The following UBE2D3 variants were observed in gnomAD, a reference collection of about 807,000 sequenced individuals.
The protein encoded by UBE2D3 is ubiquitin-conjugating enzyme E2 D3.
UBE2D3 carries 2 observed loss-of-function variants against 22.8 expected under a neutral mutation model. The ratio of observed to expected loss-of-function variants is 0.09; its 90% CI spans 0.04 to 0.28. UBE2D3 has a LOEUF of 0.28. UBE2D3 is among the 10% of genes least tolerant of loss of function. The pLI is 1.00. For missense variants in UBE2D3, 27 were observed against 182.5 expected, an observed-to-expected ratio of 0.15 and a Z score of 4.91; for synonymous variants, 56 against 60.4, an observed-to-expected ratio of 0.93 and a Z score of 0.34.
In UBE2D3 at chr4:102,796,584, A is replaced by G. The variant is rs1368467018; in HGVS notation, c.*831T>C. The stretch of plus-strand genomic sequence containing the variant: ...CCCATACTGATTAATCCAGGCAGCT[A>G]ACTCATTGGTTTATGCAACTTTATT... On this transcript the variant is annotated 3_prime_UTR_variant, in exon 8 of 8. Coordinates refer to ENST00000453744, the MANE Select transcript of UBE2D3 (RefSeq NM_181891.3). The G allele has an allele frequency of 6.6e-6, 1 of 152,522 alleles. No individual in the cohort carries two copies. Among genetic ancestry groups the G allele is most frequent in the African/African-American group, 2.4e-5 (1 of 41,452 alleles). 9.4% of individuals were successfully genotyped at this position (152,522 alleles called of 1,614,324 possible).
rs1316135573 is a variant in UBE2D3, at chr4:102,838,276, TG to T, written c.-128-11641del. ...TACCTTTTACTGTGTTCCGTGTTTT[TG>T]TGGTTATGTCTATTGTATCTGCATG... On this transcript the variant is annotated intron_variant, in intron 1 of 7. Transcript: ENST00000338145. Among the ~76,000 whole-genome samples the T allele has an allele frequency of 1.6e-4, 24 of 152,356 alleles. No homozygotes were observed. The East Asian group carries it at 3.3e-3, about 21-fold the overall frequency.
At chr4:102,810,852 A>T (rs1727854356) in intron 2 of UBE2D3, 1 of 151,926 alleles carries the variant, frequency 6.6e-6, no homozygotes, top group Non-Finnish European at 1.5e-5. Flanking sequence ...TAATAATCAC[A>T]AGTTAAAAAA....
intron 2 of UBE2D3, among the ~76,000 whole-genome samples, chr4:102,813,741 T>C (rs938466408): frequency 2.6e-5 from 4 of 152,108 alleles, no homozygotes; most frequent in African/African-American, 7.2e-5. Context: ...GCCAGTAACC[T>C]GAAAAGTTAA....
intron 1 of UBE2D3, among the ~76,000 whole-genome samples, chr4:102,862,068 T>G (rs1732925155): frequency 6.6e-6 from 1 of 151,982 alleles, no homozygotes. Flanking sequence ...CTGTTAGTTT[T>G]TAGTACCACA....
rs564796963 is a variant in UBE2D3, at chr4:102,865,776, G to GA, written c.-129+2938dup. Among the ~76,000 whole-genome samples the GA allele has an allele frequency of 4.9e-4, 74 of 152,190 alleles. No individual in the cohort carries two copies. The South Asian group carries it at 0.015, about 31-fold the overall frequency. ...TTTGGGGCACTGGATGACCTAATGG[G>GA]AAAAAAACATGAAAGAAATAAAAGT... is the stretch of plus-strand genomic sequence containing the variant. On this transcript the variant is annotated intron_variant, in intron 1 of 7. Coordinates refer to the UBE2D3 transcript ENST00000338145.
chr4:102,802,228 C>T (rs899738203), intron 5 of UBE2D3: 4 of 188,754 alleles, frequency 2.1e-5, no homozygotes, highest in Non-Finnish European at 2.2e-5. Context: ...TGTAACAATA[C>T]GTGCAAATAT....
Position 102,824,203 on chromosome 4 carries a change from T to C in UBE2D3, c.24+2282A>G, listed in dbSNP as rs1730078229. Among the ~76,000 whole-genome samples, 12 of 152,390 alleles carry C rather than the reference T, an allele frequency of 7.9e-5. No individual in the cohort carries two copies. In the South Asian group the frequency reaches 2.5e-3, roughly 32 times the overall value. On this transcript the variant is annotated intron_variant, in intron 2 of 7. Transcript: ENST00000453744. Reference sequence around the variant, plus strand: ...TCCAATATGCCAAGTTTTTATGTTGTGTCTATATTACATAAATCTTCAAAA... The same window carrying C: ...TCCAATATGCCAAGTTTTTATGTTGCGTCTATATTACATAAATCTTCAAAA...
chr4:102,816,802 T>TA (rs545820424), intron 2 of UBE2D3, among the ~76,000 whole-genome samples: 58 of 152,280 alleles, frequency 3.8e-4, no homozygotes, highest in African/African-American at 1.1e-3. Flanking sequence ...CATCAAAACA[T>TA]TCATTCATTC....
In UBE2D3 at chr4:102,797,161, TAA is replaced by T. The variant is rs965209004; in HGVS notation, c.*252_*253del. ...AATACACATGCTCCATTTTTTTTTTTAAAAATTCTGAGTCTTGGGCAACTGTT... is the reference window on the plus strand; with the variant it reads ...AATACACATGCTCCATTTTTTTTTTTAAATTCTGAGTCTTGGGCAACTGTT... On this transcript the variant is annotated 3_prime_UTR_variant, in exon 8 of 8. Coordinates refer to ENST00000453744, the MANE Select transcript of UBE2D3 (RefSeq NM_181891.3). 1 of 327,382 alleles carries T rather than the reference TAA, an allele frequency of 3.1e-6. No individual in the cohort carries two copies. The highest frequency in any genetic ancestry group is 5.6e-6 in the Non-Finnish European group (1 of 177,788). The allele number at this position is 327,382 out of a possible 1,614,324, so 20.3% of individuals were successfully genotyped here.
intron 1 of UBE2D3, among the ~76,000 whole-genome samples, chr4:102,844,835 A>G (rs949920162): frequency 1.1e-4 from 16 of 152,044 alleles, no homozygotes; most frequent in African/African-American, 3.9e-4. Context: ...CCTGGATAAC[A>G]TGGTGAAACC....
intron 1 of UBE2D3, chr4:102,827,193 C>G (rs1287793031): frequency 1.0e-6 from 1 of 986,592 alleles, no homozygotes; most frequent in Non-Finnish European, 1.2e-6. Context: ...CGCCCAGCCA[C>G]CTCCACCACG....
At chr4:102,811,751 T>G in intron 2 of UBE2D3, 1 of 441,214 alleles carries the variant, frequency 2.3e-6, no homozygotes, top group Non-Finnish European at 4.5e-6. Flanking sequence ...AAAGAAAGGA[T>G]GCCTAAATAA....
At chr4:102,865,952 C>A (rs541650583) in intron 1 of UBE2D3, among the ~76,000 whole-genome samples, 5 of 152,276 alleles carry the variant, frequency 3.3e-5, no homozygotes, top group East Asian at 1.9e-4. Flanking sequence ...TCTAAAAACA[C>A]TATCGCATAA....
chr4:102,801,256 C>T (rs1726108569), intron 6 of UBE2D3, among the ~76,000 whole-genome samples, 198 bp downstream of exon 6: 1 of 151,904 alleles, frequency 6.6e-6, no homozygotes, highest in South Asian at 2.1e-4. Flanking sequence ...TGCCTACTCA[C>T]CACAATTTGA....
At chr4:102,809,192 C>A in intron 4 of UBE2D3, 1 of 331,220 alleles carries the variant, frequency 3.0e-6, no homozygotes, top group Non-Finnish European at 6.6e-6. Flanking sequence ...TTGCTATATT[C>A]AAAATATCAC....
At position 102,809,719 on chromosome 4, in the gene UBE2D3, A is replaced by T. The variant is rs755277430; in HGVS notation, c.89-16T>A. 1 of 1,612,508 alleles carries T rather than the reference A, an allele frequency of 6.2e-7. No individual in the cohort carries two copies. The highest frequency in any genetic ancestry group is 2.2e-5 in the East Asian group (1 of 44,788). On this transcript the variant is annotated splice_polypyrimidine_tract_variant and intron_variant, in intron 3 of 7. Coordinates refer to ENST00000453744, the MANE Select transcript of UBE2D3 (RefSeq NM_181891.3). ...CAATGAAACACTAGAAAAAGAAAAA[A>T]AACTCTGGTTATCTAAAAATGCACA...
chr4:102,840,925 G>A (rs1731716599), intron 1 of UBE2D3, among the ~76,000 whole-genome samples: 1 of 151,996 alleles, frequency 6.6e-6, no homozygotes, highest in South Asian at 2.1e-4. Flanking sequence ...GCTGAGGCAG[G>A]AGAATCGCTT....
At chr4:102,842,693 G>T (rs1159571169) in intron 1 of UBE2D3, among the ~76,000 whole-genome samples, 2 of 152,196 alleles carry the variant, frequency 1.3e-5, no homozygotes, top group African/African-American at 4.8e-5. Flanking sequence ...GTGACAAGTT[G>T]TATTTTCCAC....
intron 1 of UBE2D3, among the ~76,000 whole-genome samples, chr4:102,868,069 A>ATTTTTT (rs1347875621): frequency 1.1e-5 from 1 of 92,288 alleles, no homozygotes; most frequent in Non-Finnish European, 2.1e-5. Context: ...AAGGCTTTAG[A>ATTTTTT]TTCTTTTTTT....
Sources: allele counts gnomAD v4.1 joint callset (sites outside exome capture counted in the v4.1 genomes callset), GRCh38; gene constraint gnomAD v4.1.1; transcripts MANE v1.5; gene names NCBI Gene and HGNC (gene_info 2026-07-23, HGNC 2026-07-21).